BABAM2: variants seen among roughly 807,000 people sequenced by gnomAD.
The protein encoded by BABAM2 is BRISC and BRCA1-A complex member 2.
BABAM2 carries 31 observed loss-of-function variants against 54.7 expected under a neutral mutation model. The ratio of observed to expected loss-of-function variants is 0.57; its 90% CI spans 0.43 to 0.77. BABAM2 has a LOEUF of 0.77. Ranked by LOEUF, BABAM2 falls within the 30% of genes least tolerant of loss-of-function variation. BABAM2 has a pLI of 0.00. For missense variants in BABAM2, 364 were observed against 455.8 expected (o/e 0.80, Z 1.83); for synonymous variants, 167 against 162.9 (o/e 1.03, Z -0.19).
intron 11 of BABAM2, among the ~76,000 whole-genome samples, chr2:28,333,108 A>G (rs1158040470): frequency 6.6e-6 from 1 of 151,938 alleles, no homozygotes; most frequent in East Asian, 1.9e-4. Context: ...ACCCATGATA[A>G]TAGTTGACAT....
intron 7 of BABAM2, among the ~76,000 whole-genome samples, chr2:28,140,260 A>C (rs1670923596): frequency 1.3e-5 from 2 of 152,180 alleles, no homozygotes; most frequent in Non-Finnish European, 2.9e-5. Flanking sequence ...TGGAAGTAGA[A>C]ACCAATGTAT....
At chr2:27,986,173 A>T (rs1203379798) in intron 3 of BABAM2, among the ~76,000 whole-genome samples, 1 of 152,156 alleles carries the variant, frequency 6.6e-6, no homozygotes, top group African/African-American at 2.4e-5. Context: ...ACTCCATTTG[A>T]TATTAGAGAC....
intron 6 of BABAM2, among the ~76,000 whole-genome samples, chr2:28,111,433 T>G (rs1031898083): frequency 6.6e-6 from 1 of 152,226 alleles, no homozygotes; most frequent in Non-Finnish European, 1.5e-5. Flanking sequence ...TGACAATATT[T>G]TCTCCCATTT....
At chr2:28,039,352 T>G (rs1676898653) in intron 5 of BABAM2, among the ~76,000 whole-genome samples, 1 of 152,256 alleles carries the variant, frequency 6.6e-6, no homozygotes. Flanking sequence ...TGACATATCT[T>G]AGAAAACATT....
At chr2:27,985,240 C>A (rs1053279024) in intron 3 of BABAM2, among the ~76,000 whole-genome samples, 1 of 152,086 alleles carries the variant, frequency 6.6e-6, no homozygotes, top group Non-Finnish European at 1.5e-5. Context: ...CAGGTAGATA[C>A]CCAGTGGTGG....
chr2:27,925,528 C>T (rs1056890374), intron 2 of BABAM2, among the ~76,000 whole-genome samples: 2 of 152,188 alleles, frequency 1.3e-5, no homozygotes, highest in Non-Finnish European at 2.9e-5. Context: ...GACCAGTAAG[C>T]ATCCCTGGGG....
intron 11 of BABAM2, among the ~76,000 whole-genome samples, chr2:28,334,330 G>A (rs935130004): frequency 1.1e-4 from 17 of 152,262 alleles, no homozygotes; most frequent in Non-Finnish European, 1.5e-5. Flanking sequence ...TGGGCCTGGG[G>A]AGGTAAGTGG....
At chr2:28,128,554 G>A (rs1669769438) in intron 6 of BABAM2, among the ~76,000 whole-genome samples, 1 of 152,116 alleles carries the variant, frequency 6.6e-6, no homozygotes, top group African/African-American at 2.4e-5. Flanking sequence ...TTCAGTTCCT[G>A]CTATTCTTGC....
intron 3 of BABAM2, among the ~76,000 whole-genome samples, chr2:27,942,032 T>TTGTG (rs996583342): frequency 6.6e-6 from 1 of 151,932 alleles, no homozygotes; most frequent in African/African-American, 2.4e-5. Flanking sequence ...GCTGCTGCTT[T>TTGTG]TGTGTGTGTG....
intron 1 of BABAM2, chr2:27,892,507 A>G (rs186025711): frequency 6.6e-6 from 1 of 152,320 alleles, no homozygotes; most frequent in East Asian, 1.9e-4. Context: ...TATGACTTTG[A>G]TAAGCATCCC....
intron 4 of BABAM2, among the ~76,000 whole-genome samples, chr2:27,998,298 CA>C (rs1300723391): frequency 6.6e-6 from 1 of 151,658 alleles, no homozygotes; most frequent in Admixed American, 6.6e-5. Flanking sequence ...TGGATTTAAA[CA>C]AAAAATATTA....
chr2:27,950,355 A>G (rs939218842), intron 3 of BABAM2, among the ~76,000 whole-genome samples: 2 of 152,228 alleles, frequency 1.3e-5, no homozygotes, highest in Non-Finnish European at 2.9e-5. Flanking sequence ...ACAGAAAAAA[A>G]TCAACAATGG....
intron 7 of BABAM2, among the ~76,000 whole-genome samples, chr2:28,194,908 CT>C (rs1426104399): frequency 6.6e-6 from 1 of 152,142 alleles, no homozygotes; most frequent in Non-Finnish European, 1.5e-5. Context: ...GTTGGCCAGC[CT>C]GGTCTTGAAT....
At chr2:28,295,229 C>T (rs1454507220) in intron 10 of BABAM2, among the ~76,000 whole-genome samples, 1 of 152,164 alleles carries the variant, frequency 6.6e-6, no homozygotes, top group Non-Finnish European at 1.5e-5. Flanking sequence ...AGAAGGCATT[C>T]CAAAACCCGA....
At chr2:28,023,072 A>G (rs1675391265) in intron 4 of BABAM2, among the ~76,000 whole-genome samples, 2 of 152,334 alleles carry the variant, frequency 1.3e-5, no homozygotes, top group South Asian at 4.1e-4. Flanking sequence ...TTTGCCTTGA[A>G]TGGCTAAGGA....
At chr2:28,116,902 T>C (rs528558690) in intron 6 of BABAM2, among the ~76,000 whole-genome samples, 1 of 152,370 alleles carries the variant, frequency 6.6e-6, no homozygotes, top group East Asian at 1.9e-4. Flanking sequence ...ATTTTGTCTA[T>C]AGCTAGAAGA....
intron 6 of BABAM2, among the ~76,000 whole-genome samples, chr2:28,054,374 A>G (rs1678232380): frequency 6.6e-6 from 1 of 152,182 alleles, no homozygotes; most frequent in Non-Finnish European, 1.5e-5. Flanking sequence ...TGTTAGTAAC[A>G]TAAAATTTAC....
chr2:28,262,548 G>A lies in BABAM2; in HGVS notation c.934+17686G>A, dbSNP rs72857122. On this transcript the variant is annotated intron_variant, in intron 10 of 11. Coordinates refer to ENST00000379624, the MANE Select transcript of BABAM2 (RefSeq NM_199191.3). ...GTGATTGATCCCAAGTAGAAGATGA[G>A]GGACAGAGAAGAAATAGGATGATTC... is the stretch of plus-strand genomic sequence containing the variant. Among the ~76,000 whole-genome samples, 1,261 of 152,026 alleles carry A rather than the reference G, an allele frequency of 8.3e-3. 11 individuals carry two copies. Among genetic ancestry groups the A allele is most frequent in the African/African-American group, 0.028 (1,178 of 41,454 alleles).
chr2:28,046,709 TG>T (rs1339626775), intron 6 of BABAM2, among the ~76,000 whole-genome samples: 7 of 152,096 alleles, frequency 4.6e-5, no homozygotes, highest in African/African-American at 1.7e-4. Flanking sequence ...ATTTTTATAA[TG>T]GTTATAAGTA....
Sources: allele counts gnomAD v4.1 joint callset (sites outside exome capture counted in the v4.1 genomes callset), GRCh38; gene constraint gnomAD v4.1.1; transcripts MANE v1.5; gene names NCBI Gene and HGNC (gene_info 2026-07-23, HGNC 2026-07-21).